The following SLC35F1 variants were observed in gnomAD, a reference collection of about 807,000 sequenced individuals.
SLC35F1 encodes chromosome 6 open reading frame 169.
A neutral mutation model predicts 48.7 loss-of-function variants in SLC35F1; 14 were observed. The observed-to-expected ratio is 0.29, with a 90% CI of 0.19 to 0.45. The LOEUF is 0.45. Ranked by LOEUF, SLC35F1 falls within the 20% of genes least tolerant of loss-of-function variation. The probability of loss-of-function intolerance (pLI) is 1.00; values close to 1 mark genes in which losing one functional copy is unlikely to be tolerated. For missense variants in SLC35F1, 404 were observed against 500.0 expected (o/e 0.81, Z 1.83); for synonymous variants, 190 against 202.2 (o/e 0.94, Z 0.51).
At chr6:118,175,200 A>T (rs914694523) in intron 2 of SLC35F1, among the ~76,000 whole-genome samples, 57 of 152,194 alleles carry the variant, frequency 3.7e-4, no homozygotes, top group African/African-American at 1.4e-3. Flanking sequence ...TATAGAAAGT[A>T]AAATTAAAGT....
intron 1 of SLC35F1, among the ~76,000 whole-genome samples, chr6:117,998,824 G>A (rs933073979): frequency 6.6e-6 from 1 of 152,196 alleles, no homozygotes; most frequent in East Asian, 1.9e-4. Flanking sequence ...GAGAAAGCAG[G>A]AAAGATCCAA....
chr6:117,922,369 A>G (rs930215658), intron 1 of SLC35F1, among the ~76,000 whole-genome samples: 7 of 152,186 alleles, frequency 4.6e-5, no homozygotes, highest in African/African-American at 1.7e-4. Flanking sequence ...TCTTCTGTAT[A>G]TACATCACCC....
chr6:118,069,825 T>C (rs1772671970), intron 1 of SLC35F1, among the ~76,000 whole-genome samples: 1 of 152,194 alleles, frequency 6.6e-6, no homozygotes, highest in South Asian at 2.1e-4. Context: ...TTACCCAAAA[T>C]GAGTTTGTTT....
chr6:118,126,727 T>G (rs1235064836), intron 1 of SLC35F1, among the ~76,000 whole-genome samples: 2 of 151,854 alleles, frequency 1.3e-5, no homozygotes, highest in Non-Finnish European at 2.9e-5. Context: ...CTAAGTATTT[T>G]ATTCTCTTTG....
chr6:117,957,451 G>T (rs575876432), intron 1 of SLC35F1, among the ~76,000 whole-genome samples: 9 of 152,308 alleles, frequency 5.9e-5, no homozygotes, highest in South Asian at 4.1e-4. Flanking sequence ...CATCCAAAAA[G>T]CTTGAATTTT....
intron 1 of SLC35F1, among the ~76,000 whole-genome samples, chr6:118,031,401 A>T (rs1772047143): frequency 6.6e-6 from 1 of 152,178 alleles, no homozygotes; most frequent in Non-Finnish European, 1.5e-5. Context: ...GTTGAAGGAG[A>T]TTCCAGATTC....
intron 1 of SLC35F1, among the ~76,000 whole-genome samples, chr6:118,015,649 C>G (rs1476016933): frequency 2.0e-5 from 3 of 152,142 alleles, no homozygotes; most frequent in East Asian, 3.8e-4. Flanking sequence ...TCTTTTCACC[C>G]ATTCTGAAAA....
intron 1 of SLC35F1, among the ~76,000 whole-genome samples, chr6:118,137,125 A>G (rs1773809205): frequency 6.6e-6 from 1 of 152,260 alleles, no homozygotes; most frequent in African/African-American, 2.4e-5. Flanking sequence ...ATCTTTTATC[A>G]CATCATTTAA....
chr6:117,959,063 G>T (rs1306141096), intron 1 of SLC35F1, among the ~76,000 whole-genome samples: 3 of 152,134 alleles, frequency 2.0e-5, no homozygotes, highest in African/African-American at 7.2e-5. Flanking sequence ...CGTGCTTGTT[G>T]CAGGATCCTG....
intron 2 of SLC35F1, among the ~76,000 whole-genome samples, chr6:118,230,211 G>A (rs1011303732): frequency 3.3e-5 from 5 of 151,954 alleles, no homozygotes; most frequent in Non-Finnish European, 5.9e-5. Flanking sequence ...ATAGTGGCAC[G>A]TGCCTGTAGT....
At chr6:118,072,469 C>G (rs933865597) in intron 1 of SLC35F1, among the ~76,000 whole-genome samples, 1 of 152,010 alleles carries the variant, frequency 6.6e-6, no homozygotes, top group Admixed American at 6.6e-5. Context: ...GAGGCTGGAG[C>G]AGGAGAATGG....
chr6:118,159,220 CAAAAAA>C (rs60060945), intron 2 of SLC35F1, among the ~76,000 whole-genome samples: 2 of 43,850 alleles, frequency 4.6e-5, no homozygotes, highest in Admixed American at 3.9e-4. Flanking sequence ...GACTCTGTCT[CAAAAAA>C]AAAAAAAAAA....
chr6:117,916,465 C>T (rs1017061277), intron 1 of SLC35F1, among the ~76,000 whole-genome samples: 1 of 151,884 alleles, frequency 6.6e-6, no homozygotes, highest in Non-Finnish European at 1.5e-5. Context: ...GGGAGCGGTT[C>T]CTCATTGTGG....
At chr6:117,919,394 A>G (rs1225002116) in intron 1 of SLC35F1, among the ~76,000 whole-genome samples, 2 of 152,224 alleles carry the variant, frequency 1.3e-5, no homozygotes, top group African/African-American at 2.4e-5. Flanking sequence ...TTTACATGCA[A>G]TAACATCTGG....
At chr6:118,200,669 G>C (rs891572232) in intron 2 of SLC35F1, among the ~76,000 whole-genome samples, 5 of 152,116 alleles carry the variant, frequency 3.3e-5, no homozygotes, top group Admixed American at 6.5e-5. Context: ...ACATATTTCT[G>C]TTATACCCCA....
intron 2 of SLC35F1, among the ~76,000 whole-genome samples, chr6:118,223,535 A>G (rs1775178549): frequency 6.6e-6 from 1 of 152,186 alleles, no homozygotes; most frequent in Non-Finnish European, 1.5e-5. Context: ...ATAGGGTGGT[A>G]ATTACATGAG....
At chr6:118,132,628 A>G (rs890692872) in intron 1 of SLC35F1, among the ~76,000 whole-genome samples, 9 of 152,254 alleles carry the variant, frequency 5.9e-5, no homozygotes, top group African/African-American at 2.2e-4. Flanking sequence ...TTGTCACTGT[A>G]TAAGAGCTTA....
chr6:118,035,834 GC>G (rs111877977), intron 1 of SLC35F1, among the ~76,000 whole-genome samples: 97,161 of 133,240 alleles, frequency 0.73, 31,566 homozygotes, highest in African/African-American at 0.75. Flanking sequence ...GACTACAGGC[GC>G]CCCCCCAACC....
At chr6:117,908,084 G>C (rs947116742) in intron 1 of SLC35F1, among the ~76,000 whole-genome samples, 185 bp downstream of exon 1, 1 of 152,220 alleles carries the variant, frequency 6.6e-6, no homozygotes, top group Non-Finnish European at 1.5e-5. Flanking sequence ...TTGTCCCGGC[G>C]CAGGGAGCCC....
Sources: allele counts gnomAD v4.1 joint callset (sites outside exome capture counted in the v4.1 genomes callset), GRCh38; gene constraint gnomAD v4.1.1; transcripts MANE v1.5; gene names NCBI Gene and HGNC (gene_info 2026-07-23, HGNC 2026-07-21).